The following VWA3B variants were observed in gnomAD, a reference collection of about 807,000 sequenced individuals.
VWA3B encodes the protein von Willebrand factor A domain containing 3B, also known as von Willebrand factor A domain-containing protein 3B.
A neutral mutation model predicts 158.3 loss-of-function variants in VWA3B; 138 were observed. That is an observed-to-expected ratio of 0.87 (90% CI 0.76 to 1.00). The LOEUF is 1.00. Ranked by LOEUF, VWA3B falls within the 50% of genes least tolerant of loss-of-function variation. VWA3B has a pLI of 0.00. For missense variants in VWA3B, 1,555 were observed against 1,565.1 expected, an observed-to-expected ratio of 0.99 and a Z score of 0.11; for synonymous variants, 596 against 587.3, an observed-to-expected ratio of 1.01 and a Z score of -0.21.
chr2:98,225,768 C>T (rs188075916), intron 14 of VWA3B, among the ~76,000 whole-genome samples: 29 of 150,694 alleles, frequency 1.9e-4, no homozygotes, highest in Non-Finnish European at 3.2e-4. Context: ...AATACACACA[C>T]TTCAATCATA....
chr2:98,174,157 A>G (rs913862221), intron 8 of VWA3B, among the ~76,000 whole-genome samples: 4 of 152,198 alleles, frequency 2.6e-5, no homozygotes, highest in Non-Finnish European at 4.4e-5. Context: ...TCATAACTCT[A>G]GAAATTAACC....
chr2:98,223,308 CAAAA>C (rs35992329), intron 14 of VWA3B, among the ~76,000 whole-genome samples: 1 of 123,594 alleles, frequency 8.1e-6, no homozygotes. Context: ...GAAAATAGAC[CAAAA>C]AAAAAAAAAA....
the VWA3B span, among the ~76,000 whole-genome samples, chr2:98,321,447 T>G: frequency 1.3e-5 from 2 of 152,102 alleles, no homozygotes; most frequent in Non-Finnish European, 2.9e-5. Context: ...TGACACTCAA[T>G]ACCAGCCATA....
chr2:98,209,462 A>G (rs1283290885), intron 12 of VWA3B, among the ~76,000 whole-genome samples: 2 of 152,038 alleles, frequency 1.3e-5, no homozygotes, highest in Non-Finnish European at 2.9e-5. Flanking sequence ...TTGTATTTTT[A>G]GTAGAGACAG....
At chr2:98,145,211 C>T (rs1374505629) in intron 7 of VWA3B, among the ~76,000 whole-genome samples, 4 of 152,188 alleles carry the variant, frequency 2.6e-5, no homozygotes, top group Admixed American at 2.6e-4. Flanking sequence ...AGACAAGATT[C>T]CTTGGATTGT....
chr2:98,138,837 T>A (rs1002675125), intron 7 of VWA3B, among the ~76,000 whole-genome samples: 2 of 152,230 alleles, frequency 1.3e-5, no homozygotes, highest in Admixed American at 6.5e-5. Context: ...GGTGACAGCG[T>A]GCTGGCAGTC....
At chr2:98,284,620 C>A (rs952291260) in intron 22 of VWA3B, among the ~76,000 whole-genome samples, 11 of 152,112 alleles carry the variant, frequency 7.2e-5, no homozygotes, top group Non-Finnish European at 1.3e-4. Flanking sequence ...ATAGCTATAG[C>A]TATATAGCTA....
chr2:98,120,729 C>G (rs1333972949), intron 4 of VWA3B, among the ~76,000 whole-genome samples: 1 of 152,144 alleles, frequency 6.6e-6, no homozygotes, highest in Non-Finnish European at 1.5e-5. Flanking sequence ...TTCTACCAGT[C>G]TTTTATAAGC....
intron 21 of VWA3B, among the ~76,000 whole-genome samples, chr2:98,259,114 T>C (rs1362395451): frequency 6.6e-6 from 1 of 151,812 alleles, no homozygotes; most frequent in African/African-American, 2.4e-5. Flanking sequence ...CTGGCATAAA[T>C]CCTACTTAGT....
intron 10 of VWA3B, among the ~76,000 whole-genome samples, chr2:98,190,826 GT>G (rs756427661): frequency 2.6e-5 from 4 of 152,054 alleles, no homozygotes; most frequent in African/African-American, 4.8e-5. Context: ...CCTGGGTGTA[GT>G]TTTCTTTATT....
chr2:98,107,464 A>G (rs1186531999), intron 2 of VWA3B, among the ~76,000 whole-genome samples: 2 of 152,120 alleles, frequency 1.3e-5, no homozygotes, highest in Non-Finnish European at 2.9e-5. Flanking sequence ...AATATTAATT[A>G]TTCTTTAAAC....
At chr2:98,299,183 CCCCCCAGACCTTGGTGCTTTCCCTG>C (rs1340853676) in intron 24 of VWA3B, among the ~76,000 whole-genome samples, 3 of 152,134 alleles carry the variant, frequency 2.0e-5, no homozygotes, top group African/African-American at 4.8e-5. Context: ...AGATTCCCTG[CCCCCCAGACCTTGGTGCTTTCCCTG>C]CCCCCAGACC....
In VWA3B at chr2:98,128,240, T is replaced by C; in HGVS notation, c.704T>C (p.Ile235Thr). 6.2e-7 allele frequency: 1 copy of C among 1,614,056 alleles called. No individual in the cohort carries two copies. The highest frequency in any genetic ancestry group is 8.5e-7 in the Non-Finnish European group (1 of 1,179,902). Residue 235 changes from isoleucine (I) to threonine (T), a missense_variant and splice_region_variant, in exon 6 of 28, where the codon ATT (isoleucine) becomes ACT (threonine). By Grantham distance (89) the Ile-to-Thr change is moderately conservative (BLOSUM62 -1). Transcript: ENST00000477737. ...ACCGTTGGCACCACTGTTTTGCAGA[T>C]TGAATCCATTTACTACTTTGTGGTG... is the stretch of plus-strand genomic sequence containing the variant. ...ALLEAGRDKT[I>T]ESIYYFVVGD...
At chr2:98,255,184 T>A (rs1170709460) in intron 20 of VWA3B, among the ~76,000 whole-genome samples, 15 of 112,918 alleles carry the variant, frequency 1.3e-4, no homozygotes, top group Admixed American at 5.8e-4. Flanking sequence ...CGGCTGATAT[T>A]TTTTTTTTTT....
At chr2:98,192,834 T>C in intron 10 of VWA3B, 64 bp from the exon 11 acceptor site, 1 of 1,610,160 alleles carries the variant, frequency 6.2e-7, no homozygotes, top group Non-Finnish European at 8.5e-7. Flanking sequence ...CGTTAAGTTC[T>C]TGGGAAGATG....
intron 3 of VWA3B, among the ~76,000 whole-genome samples, chr2:98,116,609 C>A (rs6714507): frequency 0.076 from 11,524 of 152,210 alleles, 579 homozygotes; most frequent in Middle Eastern, 0.15. Context: ...CGGGTCCGAG[C>A]GATCCTCCCA....
rs1232835619 is a variant in VWA3B, at chr2:98,212,018, G to C, written c.1826G>C (p.Arg609Thr). The change falls in exon 13 of 28, where the codon AGA becomes ACA. Residue 609 changes from arginine to threonine, a missense_variant. Arg to Thr is a moderately conservative substitution (Grantham distance 71, BLOSUM62 -1). Coordinates refer to ENST00000477737, the MANE Select transcript of VWA3B (RefSeq NM_144992.5). ...GCAATCTACCTTCTGACCGATGGGA[G>C]ACCTGATCAGGTACTTACCAGAGCT... The part of the protein sequence containing the change: ...TQAIYLLTDG[R>T]PDQPPETVID... 6.8e-6 allele frequency: 11 copies of C among 1,613,842 alleles called. No individual in the cohort carries two copies. In the Admixed American group the frequency reaches 8.3e-5, roughly 12 times the overall value.
At chr2:98,283,839 ATTGCCCAAAG>A (rs1411682832) in intron 22 of VWA3B, among the ~76,000 whole-genome samples, 1 of 152,214 alleles carries the variant, frequency 6.6e-6, no homozygotes, top group Non-Finnish European at 1.5e-5. Flanking sequence ...AGGCTGAGCA[ATTGCCCAAAG>A]TCCCATAGCC....
At chr2:98,225,149 A>G (rs1279162494) in intron 14 of VWA3B, among the ~76,000 whole-genome samples, 1 of 152,142 alleles carries the variant, frequency 6.6e-6, no homozygotes, top group Non-Finnish European at 1.5e-5. Flanking sequence ...GGCCAGGCTG[A>G]TCTCGAACTC....
Sources: gnomAD v4.1 joint callset for allele counts (sites outside exome capture counted in the v4.1 genomes callset) on GRCh38, gnomAD v4.1.1 for gene constraint, MANE v1.5 for transcripts, NCBI Gene and HGNC (gene_info 2026-07-23, HGNC 2026-07-21) for gene names.